The following KCNIP1 variants were observed in gnomAD, a reference collection of about 807,000 sequenced individuals.
KCNIP1 encodes the protein A-type potassium channel modulatory protein KCNIP1.
Under a neutral mutation model 33.0 loss-of-function variants are expected in KCNIP1, and 18 were observed. That is an observed-to-expected ratio of 0.55 (90% CI 0.38 to 0.81). The LOEUF (loss-of-function observed/expected upper bound fraction) is 0.81, where lower values mean the gene tolerates loss of function less well. Among genes scored for constraint, KCNIP1 ranks in the 30% least tolerant of loss-of-function variants. KCNIP1 has a pLI of 0.00. For missense variants in KCNIP1, 238 were observed against 271.6 expected, an observed-to-expected ratio of 0.88 and a Z score of 0.87; for synonymous variants, 93 against 98.3, an observed-to-expected ratio of 0.95 and a Z score of 0.32.
At chr5:170,391,616 T>C (rs1319118114) in intron 1 of KCNIP1, among the ~76,000 whole-genome samples, 1 of 152,208 alleles carries the variant, frequency 6.6e-6, no homozygotes, top group Non-Finnish European at 1.5e-5. Flanking sequence ...ATATCTTCTC[T>C]GACTCTTCCA....
At chr5:170,575,087 T>A (rs929279808) in intron 1 of KCNIP1, among the ~76,000 whole-genome samples, 1 of 151,768 alleles carries the variant, frequency 6.6e-6, no homozygotes, top group Non-Finnish European at 1.5e-5. Flanking sequence ...AAAAAAAAAA[T>A]GTGAACCCAC....
chr5:170,451,723 TTGTGTGTGTGTGTGTGTGTGTGTG>T (rs67542248), intron 1 of KCNIP1, among the ~76,000 whole-genome samples: 1 of 122,902 alleles, frequency 8.1e-6, no homozygotes, highest in South Asian at 3.0e-4. Context: ...TTCTCCTGCA[TTGTGTGTGTGTGTGTGTGTGTGTG>T]TGTGTGTGTG....
intron 1 of KCNIP1, among the ~76,000 whole-genome samples, chr5:170,467,258 AT>A (rs1424482655): frequency 6.6e-6 from 1 of 152,184 alleles, no homozygotes; most frequent in African/African-American, 2.4e-5. Context: ...GCTTTATTGT[AT>A]TTAAGAGAGA....
chr5:170,503,538 C>T (rs1757463579), upstream of KCNIP1, among the ~76,000 whole-genome samples: 2 of 152,066 alleles, frequency 1.3e-5, no homozygotes, highest in Non-Finnish European at 2.9e-5. Flanking sequence ...ACCCGCGGAG[C>T]AGGACGGCAC....
chr5:170,711,170 T>C (rs1410054854), intron 1 of KCNIP1, among the ~76,000 whole-genome samples: 2 of 152,208 alleles, frequency 1.3e-5, no homozygotes, highest in African/African-American at 4.8e-5. Flanking sequence ...ACTGTTTCCC[T>C]TTCATGGAGC....
Position 170,513,028 on chromosome 5 carries a change from C to G in KCNIP1, c.61+8395C>G, listed in dbSNP as rs538348939. 3.1e-4 allele frequency among the ~76,000 whole-genome samples: 47 copies of G among 150,556 alleles called. 1 individual carries two copies. The South Asian group carries it at 8.4e-3, about 27-fold the overall frequency. ...TCGCGCCACTGCACTCCAGCCTGGG[C>G]GACAGAGCGAGACTCCATCTTGGAA... On this transcript the variant is annotated intron_variant, in intron 1 of 7. Coordinates refer to ENST00000328939, the MANE Select transcript of KCNIP1 (RefSeq NM_014592.4).
In KCNIP1 at chr5:170,735,837, G is replaced by T. The variant is rs533411692; in HGVS notation, c.*31G>T. 6.3e-7 allele frequency: 1 copy of T among 1,599,218 alleles called. No individual in the cohort carries two copies. The highest frequency in any genetic ancestry group is 1.1e-5 in the South Asian group (1 of 90,762). On this transcript the variant is annotated 3_prime_UTR_variant, in exon 8 of 8. Transcript: ENST00000328939. ...GACACTCAGCCATTCAGCTCTCAGA[G>T]ACATTGTACTAAACAACCACCTTAA...
At chr5:170,436,979 TTG>T (rs1755880765) in intron 1 of KCNIP1, among the ~76,000 whole-genome samples, 1 of 152,218 alleles carries the variant, frequency 6.6e-6, no homozygotes, top group Non-Finnish European at 1.5e-5. Context: ...AATTTAAGTT[TTG>T]TGTGACATGG....
intron 1 of KCNIP1, among the ~76,000 whole-genome samples, chr5:170,466,011 C>T (rs890381400): frequency 1.9e-4 from 29 of 152,118 alleles, no homozygotes; most frequent in South Asian, 6.2e-4. Context: ...ATGTGTACCA[C>T]GGGCCAGATG....
intron 1 of KCNIP1, among the ~76,000 whole-genome samples, chr5:170,386,396 C>T (rs1764474396): frequency 6.6e-6 from 1 of 152,150 alleles, no homozygotes; most frequent in South Asian, 2.1e-4. Flanking sequence ...CCTGCAGACA[C>T]CTTGGTGATT....
chr5:170,486,082 T>C (rs1422467869), intron 1 of KCNIP1: 1 of 152,310 alleles, frequency 6.6e-6, no homozygotes, highest in Non-Finnish European at 1.5e-5. Flanking sequence ...TTTCATTTTT[T>C]CCCCCAGATG....
chr5:170,722,127 T>A (rs1473813159), intron 4 of KCNIP1, among the ~76,000 whole-genome samples: 1 of 152,210 alleles, frequency 6.6e-6, no homozygotes, highest in Non-Finnish European at 1.5e-5. Flanking sequence ...CAACAGTGTA[T>A]GAGCTTCCGG....
chr5:170,533,338 G>C (rs563326656), intron 1 of KCNIP1, among the ~76,000 whole-genome samples: 1 of 152,204 alleles, frequency 6.6e-6, no homozygotes, highest in East Asian at 1.9e-4. Context: ...AGTTTAACAG[G>C]CATTTCTGAT....
rs374016052 is a variant in KCNIP1, at chr5:170,713,972, C to T, written c.62-4786C>T. ...CCGGGAGGTGGAGGTTGCAGTGAGC[C>T]GAGATCACACCATTGCACTCCAGCT... On this transcript the variant is annotated intron_variant, in intron 1 of 7. Coordinates refer to ENST00000328939, the MANE Select transcript of KCNIP1 (RefSeq NM_014592.4). 3.6e-4 allele frequency among the ~76,000 whole-genome samples: 54 copies of T among 150,688 alleles called. 3 individuals are homozygous for T. Among genetic ancestry groups the T allele is most frequent in the East Asian group, 2.9e-3 (15 of 5,104 alleles).
At chr5:170,587,421 C>CAAAAAAAAAAAAAAAAAA (rs56358014) in intron 1 of KCNIP1, among the ~76,000 whole-genome samples, 61 of 70,332 alleles carry the variant, frequency 8.7e-4, no homozygotes, top group Non-Finnish European at 1.2e-3. Flanking sequence ...GACTCTGTCT[C>CAAAAAAAAAAAAAAAAAA]AAAAAAAAAA....
At chr5:170,386,102 G>A (rs1460907933) in intron 1 of KCNIP1, among the ~76,000 whole-genome samples, 1 of 148,922 alleles carries the variant, frequency 6.7e-6, no homozygotes, top group East Asian at 2.0e-4. Flanking sequence ...TCCAGCCTGG[G>A]CAACAAAGCA....
intron 1 of KCNIP1, among the ~76,000 whole-genome samples, chr5:170,361,065 C>G (rs1268182347): frequency 1.3e-5 from 2 of 152,234 alleles, no homozygotes; most frequent in Admixed American, 1.3e-4. Flanking sequence ...TTCCTGCCCC[C>G]ATTCCGCTCT....
intron 1 of KCNIP1, among the ~76,000 whole-genome samples, chr5:170,690,281 A>G (rs2113813409): frequency 1.3e-5 from 2 of 152,344 alleles, no homozygotes; most frequent in Middle Eastern, 6.8e-3. Context: ...ATGTAGAGTT[A>G]CTTCTTGCTC....
intron 1 of KCNIP1, among the ~76,000 whole-genome samples, chr5:170,467,041 A>T (rs1274918045): frequency 6.6e-6 from 1 of 152,214 alleles, no homozygotes; most frequent in Admixed American, 6.5e-5. Flanking sequence ...AAAAGTAGGC[A>T]TTGGATGTGA....
Sources: gnomAD v4.1 joint callset for allele counts (sites outside exome capture counted in the v4.1 genomes callset) on GRCh38, gnomAD v4.1.1 for gene constraint, MANE v1.5 for transcripts, NCBI Gene and HGNC (gene_info 2026-07-23, HGNC 2026-07-21) for gene names.